Variants in CDH17 observed in about 807,000 individuals in gnomAD.
CDH17 encodes cadherin-17.
CDH17 carries 67 observed loss-of-function variants against 86.3 expected under a neutral mutation model. The ratio of observed to expected loss-of-function variants is 0.78; its 90% CI spans 0.64 to 0.95. The LOEUF (loss-of-function observed/expected upper bound fraction) is 0.95. Among genes scored for constraint, CDH17 ranks in the 40% least tolerant of loss-of-function variants. CDH17 has a pLI of 0.00. For synonymous variants in CDH17, 367 were observed against 366.4 expected (o/e 1.00, Z -0.02); for missense variants, 993 against 1,017.6 (o/e 0.98, Z 0.33).
At chr8:94,178,988 A>G (rs1004929363) in intron 3 of CDH17, among the ~76,000 whole-genome samples, 1 of 151,674 alleles carries the variant, frequency 6.6e-6, no homozygotes, top group Non-Finnish European at 1.5e-5. Context: ...TGTAAATATC[A>G]TCTTTTTAAG....
At chr8:94,168,000 G>T (rs964218731) in intron 9 of CDH17, among the ~76,000 whole-genome samples, 3 of 149,602 alleles carry the variant, frequency 2.0e-5, no homozygotes, top group Non-Finnish European at 4.4e-5. Flanking sequence ...ATAAGACTTG[G>T]TGGCAAGTGG....
At chr8:94,151,152 C>A (rs868455880) in intron 13 of CDH17, among the ~76,000 whole-genome samples, 1 of 151,992 alleles carries the variant, frequency 6.6e-6, no homozygotes, top group Non-Finnish European at 1.5e-5. Context: ...ACAACAGCAG[C>A]GAAAGATCTG....
rs1387695060 is a variant in CDH17, at chr8:94,170,876, A to G, written c.893T>C (p.Leu298Ser). 5 of 1,613,698 alleles carry G rather than the reference A, an allele frequency of 3.1e-6. No homozygotes were observed. The highest frequency in any genetic ancestry group is 3.3e-5 in the Admixed American group (2 of 59,956). ...QEGDIYVTQPLDREEKDAYVF... is the reference protein window; with the variant it reads ...QEGDIYVTQPSDREEKDAYVF... ...CACTGCATCCTTTTCTTCTCGGTCC[A>G]AGGGCTGAGTCACGTAAATATCTCC... Residue 298 changes from leucine (L) to serine (S), a missense_variant, in exon 8 of 18, where the codon TTG becomes TCG. Physicochemically the swap from Leu to Ser is moderately radical, Grantham distance 145. Transcript: ENST00000027335.
intron 12 of CDH17, among the ~76,000 whole-genome samples, chr8:94,158,785 G>GT (rs1812994203): frequency 2.0e-5 from 3 of 152,180 alleles, no homozygotes. Context: ...GGAATGTTTG[G>GT]TAACAGTAGG....
At chr8:94,155,527 C>T (rs954595155) in intron 12 of CDH17, among the ~76,000 whole-genome samples, 4 of 152,164 alleles carry the variant, frequency 2.6e-5, no homozygotes, top group Admixed American at 6.5e-5. Flanking sequence ...AGGTCCTAAG[C>T]ACCCTCCCTG....
At chr8:94,160,577 G>T (rs1813033333) in intron 11 of CDH17, among the ~76,000 whole-genome samples, 1 of 152,124 alleles carries the variant, frequency 6.6e-6, no homozygotes, top group Non-Finnish European at 1.5e-5. Context: ...CTTGAACTTT[G>T]GAGTTAAACA....
At chr8:94,138,764 T>C (rs571177573) in intron 15 of CDH17, among the ~76,000 whole-genome samples, 2 of 152,228 alleles carry the variant, frequency 1.3e-5, no homozygotes, top group African/African-American at 4.8e-5. Context: ...TGCTACCAGG[T>C]AGAATACATA....
At chr8:94,137,701 T>TA (rs34790698) in intron 15 of CDH17, among the ~76,000 whole-genome samples, 16 of 151,442 alleles carry the variant, frequency 1.1e-4, no homozygotes, top group South Asian at 2.1e-4. Context: ...CTGCAAAAAG[T>TA]AAAAAAAAAC....
At chr8:94,130,586 G>T in intron 17 of CDH17, 40 bp downstream of exon 17, 1 of 1,369,944 alleles carries the variant, frequency 7.3e-7, no homozygotes, top group South Asian at 1.2e-5. Flanking sequence ...CATTTCTGAG[G>T]CCCAGGATAA....
At chr8:94,175,114 C>G (rs989239984) in intron 5 of CDH17, among the ~76,000 whole-genome samples, 1 of 152,084 alleles carries the variant, frequency 6.6e-6, no homozygotes, top group African/African-American at 2.4e-5. Context: ...GAAAATTCTA[C>G]AAATCAGAGC....
intron 1 of CDH17, among the ~76,000 whole-genome samples, chr8:94,198,739 T>C (rs59773910): frequency 0.38 from 57,222 of 152,062 alleles, 11,656 homozygotes; most frequent in Middle Eastern, 0.48. Flanking sequence ...CTGCTCTCCC[T>C]GCCTGGCACA....
Position 94,146,120 on chromosome 8 carries a change from C to T in CDH17, c.1975G>A (p.Asp659Asn), listed in dbSNP as rs1175483212. The T allele has an allele frequency of 3.1e-6, 5 of 1,609,188 alleles. No individual in the cohort carries two copies. In the East Asian group the frequency reaches 1.1e-4, roughly 36 times the overall value. The change falls in exon 15 of 18, where the codon GAT (aspartate) becomes AAT (asparagine). Residue 659 changes from aspartate to asparagine, a missense_variant. Transcript: ENST00000027335. ...SVSEFHLILM[D>N]VNDNPPRLAK... ...AGCCTGGGAGGGTTGTCATTCACAT[C>T]CATAAGGATCAGGTGGAACTCTGAC...
At chr8:94,182,131 A>G (rs2130652999) in intron 3 of CDH17, among the ~76,000 whole-genome samples, 1 of 152,282 alleles carries the variant, frequency 6.6e-6, no homozygotes, top group Non-Finnish European at 1.5e-5. Context: ...TGTATTAGTA[A>G]TCAAAAAATT....
intron 2 of CDH17, among the ~76,000 whole-genome samples, chr8:94,193,181 T>C (rs1813719570): frequency 1.3e-5 from 2 of 152,164 alleles, no homozygotes; most frequent in Admixed American, 1.3e-4. Context: ...GGAAACCTTA[T>C]TTTCACCTTT....
chr8:94,137,434 G>T (rs890673070), intron 15 of CDH17, among the ~76,000 whole-genome samples: 15 of 152,160 alleles, frequency 9.9e-5, no homozygotes, highest in African/African-American at 3.6e-4. Context: ...GTGGGCACGG[G>T]ACCTGCCAAG....
At chr8:94,170,132 A>G (rs1813238560) in intron 9 of CDH17, among the ~76,000 whole-genome samples, 1 of 152,154 alleles carries the variant, frequency 6.6e-6, no homozygotes, top group Non-Finnish European at 1.5e-5. Context: ...TGGCTGTGAT[A>G]CTAATGATAG....
At chr8:94,144,007 G>C (rs1812687550) in intron 15 of CDH17, among the ~76,000 whole-genome samples, 1 of 152,192 alleles carries the variant, frequency 6.6e-6, no homozygotes, top group Non-Finnish European at 1.5e-5. Flanking sequence ...AAGAGGCCTA[G>C]TTTTTGGCCA....
At chr8:94,137,926 C>T (rs972406118) in intron 15 of CDH17, among the ~76,000 whole-genome samples, 6 of 152,132 alleles carry the variant, frequency 3.9e-5, no homozygotes, top group African/African-American at 1.4e-4. Context: ...GACTGAGCTT[C>T]TGTAGACCTG....
At chr8:94,172,664 T>G (rs1240456553) in intron 7 of CDH17, among the ~76,000 whole-genome samples, 1 of 152,220 alleles carries the variant, frequency 6.6e-6, no homozygotes, top group Non-Finnish European at 1.5e-5. Flanking sequence ...TTTGTTCATC[T>G]GCTTCCAAAT....
Sources: allele counts gnomAD v4.1 joint callset (sites outside exome capture counted in the v4.1 genomes callset), GRCh38; gene constraint gnomAD v4.1.1; transcripts MANE v1.5; gene names NCBI Gene and HGNC (gene_info 2026-07-23, HGNC 2026-07-21).